Variants in STAT2 observed in about 807,000 individuals in gnomAD.
STAT2 encodes signal transducer and activator of transcription 2.
STAT2 carries 51 observed loss-of-function variants against 122.3 expected under a neutral mutation model. The ratio of observed to expected loss-of-function variants is 0.42; its 90% CI spans 0.33 to 0.53. The LOEUF is 0.53. STAT2 is among the 20% of genes least tolerant of loss of function. The pLI is 0.10. For missense variants in STAT2, 736 were observed against 1,010.3 expected (o/e 0.73, Z 3.68); for synonymous variants, 351 against 394.9 (o/e 0.89, Z 1.32).
chr12:56,355,848 C>A, intron 3 of STAT2, 45 bp from the exon 4 acceptor site: 1 of 1,575,188 alleles, frequency 6.3e-7, no homozygotes, highest in South Asian at 1.1e-5. Context: ...CAACCACTCT[C>A]AATGACCTAT....
At chr12:56,355,003 A>C in intron 6 of STAT2, 140 bp from the exon 7 acceptor site, 1 of 889,776 alleles carries the variant, frequency 1.1e-6, no homozygotes, top group Non-Finnish European at 1.8e-6. Context: ...TGGGACCCTC[A>C]GGCAAATTCT....
chr12:56,346,773 A>C lies in STAT2; in HGVS notation c.1861+46T>G, dbSNP rs201986181. The C allele has an allele frequency of 8.5e-5, 137 of 1,612,914 alleles. No homozygotes were observed. The East Asian group carries it at 2.5e-3, about 30-fold the overall frequency. ...CAGGCAGAGGGGCAAGAGGGGAGCC[A>C]GGCAGAAAGGAGAGGCTGTGGGAAT... On this transcript the variant is annotated intron_variant, in intron 20 of 23. Transcript: ENST00000314128.
chr12:56,355,165 G>A, intron 6 of STAT2, 111 bp downstream of exon 6: 1 of 1,255,832 alleles, frequency 8.0e-7, no homozygotes, highest in East Asian at 2.3e-5. Flanking sequence ...TGTAGTCAGT[G>A]GGGTGTGTCT....
intron 19 of STAT2, among the ~76,000 whole-genome samples, chr12:56,347,903 C>T (rs1478496312): frequency 6.6e-6 from 1 of 152,122 alleles, no homozygotes; most frequent in East Asian, 1.9e-4. Flanking sequence ...TGAATATCAA[C>T]TGTGTCCCTT....
In STAT2 at chr12:56,341,923, G is replaced by C. The variant is rs182320404; in HGVS notation, c.*1466C>G. 6.6e-6 allele frequency: 1 copy of C among 152,164 alleles called. No homozygotes were observed. 9.4% of individuals were successfully genotyped at this position (152,164 alleles called of 1,614,324 possible). A position where few individuals can be genotyped will look rare whatever the true frequency, so the allele number is the denominator to read the frequency against. ...AACAACATATTGTACAAAAAAGGGA[G>C]GATGATAACATAATAGAGAAAGAGC... On this transcript the variant is annotated 3_prime_UTR_variant, in exon 24 of 24. Coordinates refer to ENST00000314128, the MANE Select transcript of STAT2 (RefSeq NM_005419.4).
intron 11 of STAT2, 51 bp downstream of exon 11, chr12:56,350,778 C>T (rs989240102): frequency 6.2e-7 from 1 of 1,600,936 alleles, no homozygotes; most frequent in Non-Finnish European, 8.6e-7. Flanking sequence ...TGAGTATCTC[C>T]TCCACCCCAG....
rs757777003 is a variant in STAT2 at position 56,346,639 on chromosome 12, C to A, written c.1862-15G>T. ...GAGCACCTTGTCTGGAGAGTGAATG[C>A]AGGAACAGGCGGGCTTGAGGGAAGA... On this transcript the variant is annotated splice_polypyrimidine_tract_variant and intron_variant, in intron 20 of 23. Coordinates refer to ENST00000314128, the MANE Select transcript of STAT2 (RefSeq NM_005419.4). 5 of 1,613,238 alleles carry A rather than the reference C, an allele frequency of 3.1e-6. No individual in the cohort carries two copies. Among genetic ancestry groups the A allele is most frequent in the Non-Finnish European group, 4.2e-6 (5 of 1,179,594 alleles).
At chr12:56,354,692 G>T in intron 7 of STAT2, 78 bp from the exon 8 acceptor site, 1 of 1,612,166 alleles carries the variant, frequency 6.2e-7, no homozygotes. Context: ...AAGAAACAAA[G>T]AAGCCAGCGC....
At chr12:56,350,269 C>A (rs962333337) in intron 12 of STAT2, 79 bp from the exon 13 acceptor site, 12 of 1,437,998 alleles carry the variant, frequency 8.3e-6, no homozygotes, top group Non-Finnish European at 1.2e-5. Flanking sequence ...AACAGAAGTT[C>A]CACTTCATTT....
Position 56,351,329 on chromosome 12 carries a change from C to T in STAT2, c.904G>A (p.Ala302Thr), listed in dbSNP as rs141205552. Residue 302 changes from alanine to threonine, a missense_variant, in exon 9 of 24, where the codon GCC becomes ACC. By Grantham distance (58) the Ala-to-Thr change is moderately conservative (BLOSUM62 0). Coordinates refer to ENST00000314128, the MANE Select transcript of STAT2 (RefSeq NM_005419.4). ...CGCTGTAGCAACTCTGTGACCTGGG[C>T]GTTGCGTAGGTCCACCCCTTTGGTC... ...PLTKGVDLRN[A>T]QVTELLQRLL... 38 of 1,614,124 alleles carry T rather than the reference C, an allele frequency of 2.4e-5. No individual in the cohort carries two copies. In the African/African-American group the frequency reaches 2.7e-4, roughly 11 times the overall value.
chr12:56,349,446 C>T lies in STAT2; in HGVS notation c.1321G>A (p.Gly441Ser). Reference protein sequence around the residue: ...ISFTVKYTYQGLKQELKTDTL... With the variant: ...ISFTVKYTYQSLKQELKTDTL... The stretch of plus-strand genomic sequence containing the variant: ...CTCACTTTCAGCTCCTGCTTCAGAC[C>T]CTGGTAGGTATATTTGACCGTGAAG... The change falls in exon 15 of 24, where the codon GGT (glycine) becomes AGT (serine). Residue 441 changes from glycine (G) to serine (S), a missense_variant. Coordinates refer to ENST00000314128, the MANE Select transcript of STAT2 (RefSeq NM_005419.4). 13 of 1,614,158 alleles carry T rather than the reference C, an allele frequency of 8.1e-6. No individual in the cohort carries two copies. The highest frequency in any genetic ancestry group is 1.1e-5 in the Non-Finnish European group (13 of 1,180,050).
chr12:56,343,171 G>C lies in STAT2; in HGVS notation c.*218C>G, dbSNP rs1440655312. 25 of 580,432 alleles carry C rather than the reference G, an allele frequency of 4.3e-5. No individual in the cohort carries two copies. The East Asian group carries it at 7.7e-4, about 18-fold the overall frequency. The allele number at this position is 580,432 out of a possible 1,614,324, so 36.0% of individuals were successfully genotyped here. On this transcript the variant is annotated 3_prime_UTR_variant, in exon 24 of 24. Transcript: ENST00000314128. Reference sequence around the variant, plus strand: ...CAGGCAGCCTCCAGGATCCTATTTAGACCTATGGCTCAGCATCTGTTCTGA... The same window carrying C: ...CAGGCAGCCTCCAGGATCCTATTTACACCTATGGCTCAGCATCTGTTCTGA...
chr12:56,349,216 A>T lies in STAT2; in HGVS notation c.1387T>A (p.Ser463Thr), dbSNP rs1878049827. 1.2e-6 allele frequency: 2 copies of T among 1,614,142 alleles called. No individual in the cohort carries two copies. Among genetic ancestry groups the T allele is most frequent in the African/African-American group, 2.7e-5 (2 of 75,038 alleles). The change falls in exon 16 of 24, where the codon TCA becomes ACA. Residue 463 changes from serine to threonine, a missense_variant. Transcript: ENST00000314128. Reference protein sequence around the residue: ...VVIISNMNQLSIAWASVLWFN... With the variant: ...VVIISNMNQLTIAWASVLWFN... The stretch of plus-strand genomic sequence containing the variant: ...CAGAGAACTGAAGCCCAGGCAATTG[A>T]GAGCTGGTTCATGTTGGAAATAATC...
At chr12:56,348,439 C>T in intron 19 of STAT2, 90 bp downstream of exon 19, 1 of 1,369,338 alleles carries the variant, frequency 7.3e-7, no homozygotes, top group East Asian at 2.3e-5. Context: ...TCTTTGCTCT[C>T]TCTCCCTGCT....
intron 11 of STAT2, 64 bp downstream of exon 11, chr12:56,350,765 G>T: frequency 6.4e-7 from 1 of 1,558,374 alleles, no homozygotes; most frequent in Non-Finnish European, 8.8e-7. Context: ...CTGTTGTGAA[G>T]AGTGAGTATC....
chr12:56,354,013 AAAAATATATATAT>A (rs1242133074), intron 8 of STAT2, among the ~76,000 whole-genome samples: 4 of 51,074 alleles, frequency 7.8e-5, no homozygotes, highest in Non-Finnish European at 1.0e-4. Context: ...AAAAAAAAAA[AAAAATATATATAT>A]ATATATATAT....
At position 56,354,827 on chromosome 12, in the gene STAT2, T is replaced by C; in HGVS notation, c.584A>G (p.Glu195Gly). Residue 195 changes from glutamate to glycine, a missense_variant, in exon 7 of 24, where the codon GAG (glutamate) becomes GGG (glycine). By Grantham distance (98) the Glu-to-Gly change is moderately conservative. Transcript: ENST00000314128. ...TPSLDPHQTK[E>G]QKILQETLNE... ...GAGAGTTTCCTGCAGAATCTTCTGC[T>C]CTTTGGTCTGATGGGGGTCCAGAGA... 1 of 1,614,136 alleles carries C rather than the reference T, an allele frequency of 6.2e-7. No homozygotes were observed. The highest frequency in any genetic ancestry group is 8.5e-7 in the Non-Finnish European group (1 of 1,180,016).
intron 8 of STAT2, among the ~76,000 whole-genome samples, chr12:56,353,102 GC>G (rs533609216): frequency 4.2e-4 from 63 of 151,706 alleles, no homozygotes; most frequent in Non-Finnish European, 8.1e-4. Context: ...TCCTGCCTTA[GC>G]CTCCTGAGTA....
At chr12:56,348,369 G>A (rs1436061953) in intron 19 of STAT2, among the ~76,000 whole-genome samples, 160 bp downstream of exon 19, 1 of 151,924 alleles carries the variant, frequency 6.6e-6, no homozygotes. Flanking sequence ...TTACAGGTGT[G>A]AGCCACCACA....
Sources: allele counts gnomAD v4.1 joint callset (sites outside exome capture counted in the v4.1 genomes callset), GRCh38; gene constraint gnomAD v4.1.1; transcripts MANE v1.5; gene names NCBI Gene and HGNC (gene_info 2026-07-23, HGNC 2026-07-21).